RYR2: variants seen among roughly 807,000 people sequenced by gnomAD.
The protein encoded by RYR2 is ryanodine receptor 2.
A neutral mutation model predicts 601.1 loss-of-function variants in RYR2; 227 were observed. The observed-to-expected ratio is 0.38, with a 90% CI of 0.34 to 0.42. The LOEUF (loss-of-function observed/expected upper bound fraction) is 0.42. RYR2 is among the 10% of genes least tolerant of loss of function. RYR2 has a pLI of 1.00. For synonymous variants in RYR2, 2,223 were observed against 2,175.1 expected (o/e 1.02, Z -0.61); for missense variants, 4,646 against 6,156.5 (o/e 0.75, Z 8.21).
intron 29 of RYR2, among the ~76,000 whole-genome samples, chr1:237,580,238 C>G (rs886321951): frequency 3.3e-5 from 5 of 150,520 alleles, no homozygotes; most frequent in African/African-American, 1.2e-4. Context: ...TCACTGGAAC[C>G]TCCACCTCCC....
chr1:237,756,282 G>C lies in RYR2; in HGVS notation c.11146-6G>C. 1.9e-6 allele frequency: 3 copies of C among 1,602,186 alleles called. No homozygotes were observed. The highest frequency in any genetic ancestry group is 2.6e-6 in the Non-Finnish European group (3 of 1,169,386). On this transcript the variant is annotated splice_polypyrimidine_tract_variant and splice_region_variant and intron_variant, in intron 80 of 104. Transcript: ENST00000366574. Reference sequence around the variant, plus strand: ...CTCAACATAAATGGTTGGGATTTGTGTTCAGGAAAAAGAAATGGAAAAGCA... The same window carrying C: ...CTCAACATAAATGGTTGGGATTTGTCTTCAGGAAAAAGAAATGGAAAAGCA...
chr1:237,739,499 G>T (rs1379610825), intron 79 of RYR2, among the ~76,000 whole-genome samples: 2 of 152,154 alleles, frequency 1.3e-5, no homozygotes, highest in African/African-American at 4.8e-5. Context: ...TATCTGCAAT[G>T]ATATCACAAA....
intron 35 of RYR2, among the ~76,000 whole-genome samples, chr1:237,605,341 A>C (rs1244939146): frequency 6.6e-6 from 1 of 152,226 alleles, no homozygotes; most frequent in Non-Finnish European, 1.5e-5. Flanking sequence ...ATCTCAACAG[A>C]TGCAGAAAAG....
In RYR2 at chr1:237,260,000, G is replaced by A. The variant is rs1317982783; in HGVS notation, c.49-10497G>A. ...TTCTTTTAGAGTCTGTGGATGACTG[G>A]TCACTGTGTATTGGTTTTTAGTTCA... On this transcript the variant is annotated intron_variant, in intron 1 of 104. Coordinates refer to ENST00000366574, the MANE Select transcript of RYR2 (RefSeq NM_001035.3). 2.0e-5 allele frequency among the ~76,000 whole-genome samples: 3 copies of A among 152,166 alleles called. No individual in the cohort carries two copies. The East Asian group carries it at 5.8e-4, about 29-fold the overall frequency.
At chr1:237,603,413 C>T (rs909636663) in intron 35 of RYR2, among the ~76,000 whole-genome samples, 2 of 152,156 alleles carry the variant, frequency 1.3e-5, no homozygotes, top group Non-Finnish European at 2.9e-5. Flanking sequence ...TATTCACTGA[C>T]CCCGTGAGGT....
At chr1:237,323,067 AT>A (rs747122486) in intron 2 of RYR2, among the ~76,000 whole-genome samples, 1 of 152,120 alleles carries the variant, frequency 6.6e-6, no homozygotes, top group Non-Finnish European at 1.5e-5. Context: ...CAAATAGTAG[AT>A]TTCTCAACCT....
intron 33 of RYR2, among the ~76,000 whole-genome samples, chr1:237,594,012 G>A (rs532721097): frequency 1.1e-4 from 16 of 152,320 alleles, no homozygotes; most frequent in Non-Finnish European, 2.1e-4. Flanking sequence ...GTGGTGGGGA[G>A]AAAACTGTGA....
chr1:237,583,051 T>A (rs1674111249), intron 29 of RYR2, among the ~76,000 whole-genome samples: 2 of 152,246 alleles, frequency 1.3e-5, no homozygotes, highest in Non-Finnish European at 2.9e-5. Context: ...ACCAACAGCG[T>A]ATAAGCATTC....
In RYR2 at chr1:237,788,025, G is replaced by T; in HGVS notation, c.13366G>T (p.Asp4456Tyr). The T allele has an allele frequency of 1.2e-6, 2 of 1,605,794 alleles. No homozygotes were observed. Among genetic ancestry groups the T allele is most frequent in the Middle Eastern group, 3.3e-4 (2 of 6,054 alleles). ...DGEKEEKAKE[D>Y]KGKQKLRQLH... Reference sequence around the variant, plus strand: ...AGAAAAAGAAGAGAAAGCCAAGGAAGACAAGGGCAAACAAAAGTTGAGGCA... The same window carrying T: ...AGAAAAAGAAGAGAAAGCCAAGGAATACAAGGGCAAACAAAAGTTGAGGCA... Residue 4456 changes from aspartate (D) to tyrosine (Y), a missense_variant, in exon 92 of 105, where the codon GAC (aspartate) becomes TAC (tyrosine). Physicochemically the swap from Asp to Tyr is radical, Grantham distance 160 (BLOSUM62 -3). Transcript: ENST00000366574.
intron 62 of RYR2, among the ~76,000 whole-genome samples, chr1:237,682,921 A>G (rs1686019384): frequency 6.6e-6 from 1 of 152,234 alleles, no homozygotes; most frequent in South Asian, 2.1e-4. Flanking sequence ...AAAGAAAATC[A>G]TAGAGGAAAA....
intron 90 of RYR2, 117 bp from the exon 91 acceptor site, chr1:237,785,852 A>G (rs1384481884): frequency 9.3e-6 from 7 of 751,276 alleles, no homozygotes; most frequent in Admixed American, 2.2e-5. Flanking sequence ...TTATCGTGGT[A>G]TAAGCAAGAG....
At chr1:237,797,546 A>G (rs1659406849) in intron 96 of RYR2, among the ~76,000 whole-genome samples, 1 of 152,244 alleles carries the variant, frequency 6.6e-6, no homozygotes, top group African/African-American at 2.4e-5. Flanking sequence ...CTGGGGAGTC[A>G]GGCATGGCCT....
At chr1:237,607,704 A>C (rs1246778825) in intron 35 of RYR2, among the ~76,000 whole-genome samples, 1 of 152,234 alleles carries the variant, frequency 6.6e-6, no homozygotes, top group East Asian at 1.9e-4. Context: ...TGACCATGCT[A>C]ATCAAAAAGT....
At chr1:237,492,636 T>C (rs559859469) in intron 18 of RYR2, among the ~76,000 whole-genome samples, 1 of 151,178 alleles carries the variant, frequency 6.6e-6, no homozygotes, top group South Asian at 2.1e-4. Flanking sequence ...AGGCCAGGAG[T>C]TTGAGACCAG....
At chr1:237,116,162 A>G (rs1670059158) in intron 1 of RYR2, among the ~76,000 whole-genome samples, 1 of 152,050 alleles carries the variant, frequency 6.6e-6, no homozygotes, top group African/African-American at 2.4e-5. Context: ...CAGGGAGGGG[A>G]GAGCAGGTGC....
intron 1 of RYR2, among the ~76,000 whole-genome samples, chr1:237,111,050 C>A (rs773927327): frequency 6.6e-6 from 1 of 152,172 alleles, no homozygotes; most frequent in Non-Finnish European, 1.5e-5. Flanking sequence ...GCTTCAACAT[C>A]CTTCTGAAGA....
At position 237,290,652 on chromosome 1, in the gene RYR2, T is replaced by C. The variant is rs189496233; in HGVS notation, c.168+20036T>C. On this transcript the variant is annotated intron_variant, in intron 2 of 104. Coordinates refer to ENST00000366574, the MANE Select transcript of RYR2 (RefSeq NM_001035.3). ...TACCATAGTATGTAAAGCAAACAAATAAAACAGAGCAACATAAAAACAGCA... is the reference window on the plus strand; with the variant it reads ...TACCATAGTATGTAAAGCAAACAAACAAAACAGAGCAACATAAAAACAGCA... Among the ~76,000 whole-genome samples, 395 of 151,962 alleles carry C rather than the reference T, an allele frequency of 2.6e-3. 2 individuals carry two copies. The highest frequency in any genetic ancestry group is 3.2e-3 in the Non-Finnish European group (219 of 67,934).
chr1:237,574,736 A>T (rs888574295), intron 29 of RYR2, among the ~76,000 whole-genome samples: 3 of 152,156 alleles, frequency 2.0e-5, no homozygotes, highest in Non-Finnish European at 4.4e-5. Context: ...AAAAAAACAA[A>T]CAAAAACCGA....
chr1:237,772,516 C>A (rs148086766), intron 86 of RYR2, among the ~76,000 whole-genome samples: 6 of 152,166 alleles, frequency 3.9e-5, no homozygotes, highest in Non-Finnish European at 7.4e-5. Context: ...AAGGTCAGTT[C>A]TTTTCAGCTG....
Sources: allele counts gnomAD v4.1 joint callset (sites outside exome capture counted in the v4.1 genomes callset), GRCh38; gene constraint gnomAD v4.1.1; transcripts MANE v1.5; gene names NCBI Gene and HGNC (gene_info 2026-07-23, HGNC 2026-07-21).